The following WDPCP variants were observed in gnomAD, a reference collection of about 807,000 sequenced individuals.
WDPCP encodes the protein WD repeat-containing and planar cell polarity effector protein fritz homolog.
WDPCP carries 71 observed loss-of-function variants against 93.1 expected under a neutral mutation model. The ratio of observed to expected loss-of-function variants is 0.76; its 90% CI spans 0.63 to 0.93. The LOEUF (loss-of-function observed/expected upper bound fraction) is 0.93, where lower values mean the gene tolerates loss of function less well. Ranked by LOEUF, WDPCP falls within the 40% of genes least tolerant of loss-of-function variation. The pLI is 0.00. For missense variants in WDPCP, 844 were observed against 887.4 expected, an observed-to-expected ratio of 0.95 and a Z score of 0.62; for synonymous variants, 315 against 315.0, an observed-to-expected ratio of 1.00 and a Z score of 0.00.
chr2:63,122,237 G>T (rs1669592148), intron 17 of WDPCP, among the ~76,000 whole-genome samples, 181 bp from the exon 18 acceptor site: 1 of 152,036 alleles, frequency 6.6e-6, no homozygotes, highest in Non-Finnish European at 1.5e-5. Flanking sequence ...TCAAAATTTT[G>T]ATACGATATT....
intron 1 of WDPCP, among the ~76,000 whole-genome samples, chr2:63,558,708 T>A (rs368623740): frequency 4.2e-4 from 64 of 152,110 alleles, no homozygotes; most frequent in Middle Eastern, 3.4e-3. Flanking sequence ...CCTGGACACA[T>A]ACACCCTCCC....
intron 17 of WDPCP, among the ~76,000 whole-genome samples, chr2:63,141,234 A>G (rs1438562946): frequency 6.6e-6 from 1 of 152,046 alleles, no homozygotes; most frequent in Non-Finnish European, 1.5e-5. Flanking sequence ...GTGCGCCACC[A>G]GGCCCGGCTA....
intron 12 of WDPCP, among the ~76,000 whole-genome samples, chr2:63,324,371 A>G (rs1021777725): frequency 3.3e-5 from 5 of 152,094 alleles, no homozygotes; most frequent in Admixed American, 2.6e-4. Flanking sequence ...GAAATAAGCA[A>G]AGAAATCTCC....
intron 14 of WDPCP, among the ~76,000 whole-genome samples, chr2:63,254,965 C>T (rs968513402): frequency 2.6e-5 from 4 of 151,992 alleles, no homozygotes; most frequent in South Asian, 2.1e-4. Context: ...TATTCTGGAA[C>T]GTAAGGTTAG....
At chr2:63,278,505 G>C (rs545835887) in intron 13 of WDPCP, among the ~76,000 whole-genome samples, 54 of 152,218 alleles carry the variant, frequency 3.5e-4, no homozygotes, top group South Asian at 1.9e-3. Context: ...AAATAAAATT[G>C]ATAGACATTA....
chr2:63,805,244 T>C (rs1406019916), intron 2 of WDPCP, among the ~76,000 whole-genome samples: 1 of 152,210 alleles, frequency 6.6e-6, no homozygotes, highest in African/African-American at 2.4e-5. Flanking sequence ...ACCCATATGC[T>C]CAGTGAGTGT....
intron 12 of WDPCP, 40 bp from the exon 13 acceptor site, chr2:63,313,351 G>T (rs778056244): frequency 6.4e-7 from 1 of 1,570,880 alleles, no homozygotes; most frequent in South Asian, 1.1e-5. Flanking sequence ...TTGTGAACAA[G>T]AATATATAAA....
intron 3 of WDPCP, chr2:63,595,415 T>C (rs761896916): frequency 9.5e-6 from 15 of 1,574,004 alleles, no homozygotes; most frequent in Admixed American, 1.7e-5. Context: ...GTCCTTGCTA[T>C]TTGGTAGCCT....
At chr2:63,175,112 A>T (rs568852177) in intron 14 of WDPCP, among the ~76,000 whole-genome samples, 29 of 152,198 alleles carry the variant, frequency 1.9e-4, no homozygotes, top group Admixed American at 5.2e-4. Flanking sequence ...TATTTATAAA[A>T]TTTTTTTGTT....
intron 2 of WDPCP, among the ~76,000 whole-genome samples, chr2:63,758,550 C>G (rs1189116969): frequency 6.6e-6 from 1 of 151,996 alleles, no homozygotes; most frequent in Non-Finnish European, 1.5e-5. Flanking sequence ...GTGATCCTCC[C>G]ACTTCAGCCT....
At chr2:63,575,465 A>ATACTGTATATACAG (rs1558832849) in intron 1 of WDPCP, among the ~76,000 whole-genome samples, 1 of 13,206 alleles carries the variant, frequency 7.6e-5, no homozygotes, top group African/African-American at 2.9e-4. Flanking sequence ...TACAGTATAT[A>ATACTGTATATACAG]TGCAGTATAT....
At chr2:63,289,511 T>A (rs1684247896) in intron 13 of WDPCP, among the ~76,000 whole-genome samples, 1 of 152,092 alleles carries the variant, frequency 6.6e-6, no homozygotes, top group African/African-American at 2.4e-5. Context: ...TGGATGTAAT[T>A]GACTTGTAAT....
chr2:63,375,993 A>G (rs909637591), intron 12 of WDPCP, among the ~76,000 whole-genome samples: 1 of 151,866 alleles, frequency 6.6e-6, no homozygotes, highest in Non-Finnish European at 1.5e-5. Context: ...TTTTCAGAGT[A>G]TTAAAATATT....
chr2:63,395,594 A>G (rs904159781), intron 10 of WDPCP, among the ~76,000 whole-genome samples: 1 of 152,180 alleles, frequency 6.6e-6, no homozygotes, highest in Non-Finnish European at 1.5e-5. Context: ...AAGCGTATCA[A>G]TGCTCATCAG....
At chr2:63,517,761 T>C (rs1264544473) in intron 1 of WDPCP, 1 of 152,246 alleles carries the variant, frequency 6.6e-6, no homozygotes, top group African/African-American at 2.4e-5. Flanking sequence ...TAGCTTTAAA[T>C]CTGTAAATGT....
At chr2:63,260,669 C>T (rs1295676575) in intron 13 of WDPCP, among the ~76,000 whole-genome samples, 1 of 152,168 alleles carries the variant, frequency 6.6e-6, no homozygotes, top group Non-Finnish European at 1.5e-5. Flanking sequence ...CTTGCCTCTG[C>T]CTCTTGAGTA....
upstream of WDPCP, chr2:63,593,367 T>A: frequency 2.9e-6 from 1 of 339,206 alleles, no homozygotes; most frequent in Non-Finnish European, 6.0e-6. Flanking sequence ...GTGCTGAGAT[T>A]ACAGGCATGA....
chr2:63,754,073 G>T (rs1669921319), intron 2 of WDPCP, among the ~76,000 whole-genome samples: 1 of 152,218 alleles, frequency 6.6e-6, no homozygotes, highest in Non-Finnish European at 1.5e-5. Flanking sequence ...ACAGAAGGGA[G>T]GGATCTGAAA....
At chr2:63,205,227 T>C (rs1010356251) in intron 14 of WDPCP, among the ~76,000 whole-genome samples, 7 of 152,128 alleles carry the variant, frequency 4.6e-5, no homozygotes, top group Non-Finnish European at 7.4e-5. Flanking sequence ...CAGTACCATG[T>C]TGTTTTGGTT....
Sources: gnomAD v4.1 joint callset for allele counts (sites outside exome capture counted in the v4.1 genomes callset) on GRCh38, gnomAD v4.1.1 for gene constraint, MANE v1.5 for transcripts, NCBI Gene and HGNC (gene_info 2026-07-23, HGNC 2026-07-21) for gene names.